SWT1: variants seen among roughly 807,000 people sequenced by gnomAD.
SWT1 encodes SWT1 RNA endoribonuclease homolog.
In SWT1, 33 loss-of-function variants were observed where a neutral mutation model predicts 107.3. That is an observed-to-expected ratio of 0.31 (90% CI 0.23 to 0.41). The LOEUF (loss-of-function observed/expected upper bound fraction) is 0.41, where lower values mean the gene tolerates loss of function less well. Among genes scored for constraint, SWT1 ranks in the 10% least tolerant of loss-of-function variants. The probability of loss-of-function intolerance (pLI) is 1.00; values close to 1 mark genes in which losing one functional copy is unlikely to be tolerated. For synonymous variants in SWT1, 345 were observed against 348.3 expected, an observed-to-expected ratio of 0.99 and a Z score of 0.11; for missense variants, 898 against 1,028.9, an observed-to-expected ratio of 0.87 and a Z score of 1.74.
intron 16 of SWT1, among the ~76,000 whole-genome samples, chr1:185,261,379 A>G (rs1295163853): frequency 6.6e-6 from 1 of 152,158 alleles, no homozygotes; most frequent in Non-Finnish European, 1.5e-5. Flanking sequence ...ATATGTGTAT[A>G]CCACATTTTT....
chr1:185,165,386 A>T (rs906335752), intron 2 of SWT1, among the ~76,000 whole-genome samples: 25 of 152,200 alleles, frequency 1.6e-4, no homozygotes, highest in Non-Finnish European at 3.5e-4. Context: ...TTCAATTTGT[A>T]AATAATGCAA....
At chr1:185,228,589 G>T (rs1201581188) in intron 15 of SWT1, among the ~76,000 whole-genome samples, 1 of 152,110 alleles carries the variant, frequency 6.6e-6, no homozygotes, top group African/African-American at 2.4e-5. Flanking sequence ...TTAATACATT[G>T]CACAGTGTCT....
intron 1 of SWT1, among the ~76,000 whole-genome samples, chr1:185,158,159 C>T (rs1653796649): frequency 6.6e-6 from 1 of 152,076 alleles, no homozygotes; most frequent in African/African-American, 2.4e-5. Context: ...TATTTGTTTC[C>T]TACTTGTTTC....
chr1:185,174,966 C>T lies in SWT1; in HGVS notation c.819C>T (p.Ser273=), dbSNP rs1193810021. 1.9e-6 allele frequency: 3 copies of T among 1,613,676 alleles called. No homozygotes were observed. In the African/African-American group the frequency reaches 4.0e-5, roughly 22 times the overall value. ...KQEEREYLES[S]QVSLNVTRQK... ...AAGAAAGAGAATACCTGGAAAGCTC[C>T]CAGGTTTCATTAAATGTGACTAGGC... The change falls in exon 5 of 19, where the codon TCC becomes TCT. Residue 273 remains serine, a synonymous_variant. Coordinates refer to ENST00000367500, the MANE Select transcript of SWT1 (RefSeq NM_017673.7).
At chr1:185,239,491 A>C (rs866521465) in intron 16 of SWT1, among the ~76,000 whole-genome samples, 1 of 152,090 alleles carries the variant, frequency 6.6e-6, no homozygotes, top group Non-Finnish European at 1.5e-5. Flanking sequence ...TAATTTTGCA[A>C]AGTTAGAAAA....
At chr1:185,266,344 G>A (rs556506250) in intron 16 of SWT1, among the ~76,000 whole-genome samples, 41 of 152,212 alleles carry the variant, frequency 2.7e-4, no homozygotes, top group Admixed American at 2.0e-3. Flanking sequence ...GATTACAGGC[G>A]TGAGCCACCG....
At chr1:185,165,816 C>A (rs1654522467) in intron 2 of SWT1, among the ~76,000 whole-genome samples, 1 of 152,208 alleles carries the variant, frequency 6.6e-6, no homozygotes, top group Admixed American at 6.5e-5. Context: ...GCCTCTGGGG[C>A]TTTGCCCTTG....
At chr1:185,228,169 G>GTATATATATATATATA (rs757812651) in intron 15 of SWT1, among the ~76,000 whole-genome samples, 42 of 79,322 alleles carry the variant, frequency 5.3e-4, no homozygotes, top group East Asian at 4.9e-3. Flanking sequence ...AAAAAAATGT[G>GTATATATATATATATA]TATATATATA....
intron 18 of SWT1, chr1:185,280,818 G>A (rs556314367): frequency 5.7e-6 from 2 of 349,550 alleles, no homozygotes; most frequent in East Asian, 9.0e-5. Context: ...CAGGGAGCCA[G>A]GACTTGAGGG....
chr1:185,231,336 C>T (rs1660492731), intron 15 of SWT1, among the ~76,000 whole-genome samples: 1 of 152,174 alleles, frequency 6.6e-6, no homozygotes, highest in Non-Finnish European at 1.5e-5. Flanking sequence ...ACAATATTCA[C>T]ACAACTTTCA....
At chr1:185,220,637 C>T (rs538579134) in intron 14 of SWT1, among the ~76,000 whole-genome samples, 1 of 152,242 alleles carries the variant, frequency 6.6e-6, no homozygotes, top group South Asian at 2.1e-4. Context: ...ACTATCTTTA[C>T]CTGGATAACT....
At chr1:185,254,665 T>C (rs1662335913) in intron 16 of SWT1, among the ~76,000 whole-genome samples, 3 of 152,186 alleles carry the variant, frequency 2.0e-5, no homozygotes, top group South Asian at 4.2e-4. Context: ...TTGATTCTTC[T>C]TTCTTTTTTT....
intron 15 of SWT1, among the ~76,000 whole-genome samples, chr1:185,223,241 G>A (rs150189557): frequency 2.4e-4 from 36 of 152,090 alleles, no homozygotes; most frequent in African/African-American, 8.4e-4. Context: ...TTTTTTTGAG[G>A]CAGGGTCTCG....
intron 16 of SWT1, among the ~76,000 whole-genome samples, chr1:185,254,330 A>G (rs1481678021): frequency 7.5e-6 from 1 of 132,570 alleles, no homozygotes; most frequent in Non-Finnish European, 1.6e-5. Flanking sequence ...TTTTCTATTG[A>G]TTGGAATAGT....
chr1:185,220,750 A>C (rs1361599753), intron 14 of SWT1, among the ~76,000 whole-genome samples: 1 of 152,248 alleles, frequency 6.6e-6, no homozygotes, highest in Non-Finnish European at 1.5e-5. Flanking sequence ...CTTTACAACA[A>C]GAGGCCATAA....
intron 16 of SWT1, among the ~76,000 whole-genome samples, chr1:185,257,468 G>A (rs1558082102): frequency 1.3e-5 from 2 of 152,216 alleles, no homozygotes; most frequent in African/African-American, 2.4e-5. Flanking sequence ...GCCAGGTGCG[G>A]GATATAATCT....
chr1:185,176,685 A>G (rs918154058), intron 5 of SWT1: 7 of 985,248 alleles, frequency 7.1e-6, no homozygotes, highest in Non-Finnish European at 4.8e-6. Context: ...GCTTTTAGGT[A>G]TTAAGACTGT....
At chr1:185,259,936 T>G (rs1486870824) in intron 16 of SWT1, among the ~76,000 whole-genome samples, 1 of 152,204 alleles carries the variant, frequency 6.6e-6, no homozygotes, top group Non-Finnish European at 1.5e-5. Flanking sequence ...GGATGGTCAC[T>G]AAGGTTCTAT....
At chr1:185,225,652 A>G (rs1659990344) in intron 15 of SWT1, among the ~76,000 whole-genome samples, 1 of 152,200 alleles carries the variant, frequency 6.6e-6, no homozygotes, top group East Asian at 1.9e-4. Flanking sequence ...ACAGATTTGT[A>G]ACTAAGGAGC....
Sources: allele counts gnomAD v4.1 joint callset (sites outside exome capture counted in the v4.1 genomes callset), GRCh38; gene constraint gnomAD v4.1.1; transcripts MANE v1.5; gene names NCBI Gene and HGNC (gene_info 2026-07-23, HGNC 2026-07-21).